RORA: variants seen among roughly 807,000 people sequenced by gnomAD.
The protein encoded by RORA is nuclear receptor ROR-alpha.
In RORA, 7 loss-of-function variants were observed where a neutral mutation model predicts 69.5. The ratio of observed to expected loss-of-function variants is 0.10; its 90% CI spans 0.06 to 0.19. The LOEUF is 0.19. Among genes scored for constraint, RORA ranks in the 10% least tolerant of loss-of-function variants. The pLI is 1.00. For missense variants in RORA, 457 were observed against 663.0 expected (o/e 0.69, Z 3.41); for synonymous variants, 261 against 240.8 (o/e 1.08, Z -0.78).
intron 1 of RORA, among the ~76,000 whole-genome samples, chr15:61,050,784 G>A (rs1166200043): frequency 6.6e-6 from 1 of 152,142 alleles, no homozygotes; most frequent in Non-Finnish European, 1.5e-5. Context: ...TTCCATGAAG[G>A]ATTGCTCTTT....
chr15:60,940,506 G>T (rs755541513), intron 1 of RORA, among the ~76,000 whole-genome samples: 4 of 152,192 alleles, frequency 2.6e-5, no homozygotes, highest in Non-Finnish European at 5.9e-5. Flanking sequence ...GTTGCAGGGG[G>T]ACGGGATTGA....
intron 1 of RORA, among the ~76,000 whole-genome samples, chr15:60,880,987 G>A (rs576736323): frequency 6.6e-6 from 1 of 152,222 alleles, no homozygotes; most frequent in African/African-American, 2.4e-5. Context: ...TAACCTCAAG[G>A]CCTCTTCTGT....
intron 1 of RORA, among the ~76,000 whole-genome samples, chr15:61,113,211 C>T (rs565911512): frequency 6.6e-6 from 1 of 152,364 alleles, no homozygotes; most frequent in Admixed American, 6.5e-5. Flanking sequence ...AAGTGTTCTG[C>T]TCTTTCTAGT....
intron 1 of RORA, among the ~76,000 whole-genome samples, chr15:61,215,542 T>C (rs898587784): frequency 6.6e-6 from 1 of 152,236 alleles, no homozygotes; most frequent in African/African-American, 2.4e-5. Context: ...AATTAATATG[T>C]GTCCCCATTC....
intron 1 of RORA, among the ~76,000 whole-genome samples, chr15:60,727,851 C>T (rs576048258): frequency 2.6e-5 from 4 of 152,280 alleles, no homozygotes; most frequent in South Asian, 2.1e-4. Context: ...GAGAGGTTCA[C>T]GGGCACTCAC....
At chr15:60,792,515 A>G (rs1297556865) in intron 1 of RORA, among the ~76,000 whole-genome samples, 2 of 152,214 alleles carry the variant, frequency 1.3e-5, no homozygotes, top group Non-Finnish European at 2.9e-5. Context: ...AACCACAGTC[A>G]ATTTTCTGAA....
In RORA at chr15:61,066,418, CTTTTTT is replaced by C. The variant is rs1168663714; in HGVS notation, c.166+162629_166+162634del. 3.6e-4 allele frequency among the ~76,000 whole-genome samples: 29 copies of C among 80,916 alleles called. 1 individual carries two copies. The highest frequency in any genetic ancestry group is 9.3e-4 in the African/African-American group (19 of 20,360). The allele number at this position is 80,916 out of a possible 152,430, so 53.1% of individuals were successfully genotyped here. On this transcript the variant is annotated intron_variant, in intron 1 of 10. Transcript: ENST00000335670. ...AATTGTGGGAAGACAGGGCATATTCCTTTTTTTTTTTTTTTTTTTTTTTTTGAGATG... is the reference window on the plus strand; with the variant it reads ...AATTGTGGGAAGACAGGGCATATTCCTTTTTTTTTTTTTTTTTTTGAGATG...
At chr15:61,117,285 TC>T (rs1342515858) in intron 1 of RORA, among the ~76,000 whole-genome samples, 3 of 150,946 alleles carry the variant, frequency 2.0e-5, no homozygotes, top group Non-Finnish European at 3.0e-5. Flanking sequence ...AGTAAGTAAA[TC>T]CAAAAAAAAA....
rs758257370 is a variant in RORA at position 60,514,708 on chromosome 15, C to T, written c.332G>A (p.Arg111His). 2 of 1,613,886 alleles carry T rather than the reference C, an allele frequency of 1.2e-6. No individual in the cohort carries two copies. Among genetic ancestry groups the T allele is most frequent in the Non-Finnish European group, 8.5e-7 (1 of 1,179,864 alleles). The change falls in exon 4 of 11, where the codon CGT becomes CAT. Residue 111 changes from arginine to histidine, a missense_variant. Physicochemically the swap from Arg to His is conservative, Grantham distance 29. Around this residue, in one of 3 missense-constraint regions of RORA, gnomAD observed 34 missense variants for 123.2 expected, o/e 0.28. Coordinates refer to ENST00000335670, the MANE Select transcript of RORA (RefSeq NM_134261.3). ...TCGATCAATCAAACAGTTCTTCTGA[C>T]GAGGACAGGAGTAGGTGGCATTGCT... ...QQSNATYSCPRQKNCLIDRTS... is the reference protein window; with the variant it reads ...QQSNATYSCPHQKNCLIDRTS...
intron 5 of RORA, among the ~76,000 whole-genome samples, chr15:60,510,822 GCCC>G (rs1259391555): frequency 1.3e-5 from 2 of 151,408 alleles, no homozygotes; most frequent in African/African-American, 4.9e-5. Context: ...TTAAAACTCT[GCCC>G]TGGGCAAAAA....
chr15:60,556,641 G>T (rs1431426346), intron 2 of RORA, among the ~76,000 whole-genome samples: 3 of 152,290 alleles, frequency 2.0e-5, no homozygotes. Context: ...CCCAAAGGTG[G>T]CATCTTTTGT....
intron 1 of RORA, among the ~76,000 whole-genome samples, chr15:60,860,894 C>T (rs148146962): frequency 9.6e-4 from 146 of 152,312 alleles, no homozygotes; most frequent in African/African-American, 1.6e-3. Flanking sequence ...CCATCCACTG[C>T]GTCCCAGAAG....
intron 1 of RORA, among the ~76,000 whole-genome samples, chr15:61,222,864 T>C (rs2080110999): frequency 6.6e-6 from 1 of 152,210 alleles, no homozygotes; most frequent in Admixed American, 6.5e-5. Context: ...CTTTCAGGAT[T>C]TAAGAGCCTC....
At chr15:60,593,611 AGTCTGCATTGTTTAAAACTTT>A (rs2068601023) in intron 2 of RORA, among the ~76,000 whole-genome samples, 1 of 152,318 alleles carries the variant, frequency 6.6e-6, no homozygotes, top group Non-Finnish European at 1.5e-5. Flanking sequence ...ACATACCCAG[AGTCTGCATTGTTTAAAACTTT>A]GGTCAGGGTG....
At chr15:60,841,086 C>T in intron 1 of RORA, 3 of 985,146 alleles carry the variant, frequency 3.0e-6, no homozygotes, top group Non-Finnish European at 3.6e-6. Context: ...TTGACTGACT[C>T]CCCGTGAGCA....
intron 1 of RORA, among the ~76,000 whole-genome samples, chr15:61,002,061 G>A (rs1362563423): frequency 1.3e-5 from 2 of 152,228 alleles, no homozygotes; most frequent in African/African-American, 4.8e-5. Flanking sequence ...CTGCCAGGCT[G>A]TTGAGGCGGG....
intron 1 of RORA, among the ~76,000 whole-genome samples, chr15:61,057,346 A>G (rs537643406): frequency 4.6e-5 from 7 of 152,322 alleles, no homozygotes; most frequent in African/African-American, 9.6e-5. Flanking sequence ...AAGCCCCCCA[A>G]TGCAGAAATA....
chr15:60,951,646 A>C (rs1893100131), intron 1 of RORA, among the ~76,000 whole-genome samples: 1 of 151,894 alleles, frequency 6.6e-6, no homozygotes, highest in African/African-American at 2.4e-5. Context: ...CTACCATCAG[A>C]GAATACTACA....
intron 1 of RORA, among the ~76,000 whole-genome samples, chr15:60,898,440 G>C (rs1164250192): frequency 6.6e-6 from 1 of 151,952 alleles, no homozygotes; most frequent in Non-Finnish European, 1.5e-5. Flanking sequence ...AACTCAGAAG[G>C]CTAAGGCAGG....
Sources: gnomAD v4.1 joint callset for allele counts (sites outside exome capture counted in the v4.1 genomes callset) on GRCh38, gnomAD v4.1.1 for gene constraint, gnomAD v4.1.1 regional missense constraint, MANE v1.5 for transcripts, NCBI Gene and HGNC (gene_info 2026-07-23, HGNC 2026-07-21) for gene names.